Variants in ATXN7L1 observed in about 807,000 individuals in gnomAD.
The protein encoded by ATXN7L1 is ataxin 7 like 1.
A neutral mutation model predicts 70.8 loss-of-function variants in ATXN7L1; 15 were observed. The ratio of observed to expected loss-of-function variants is 0.21; its 90% CI spans 0.14 to 0.33. ATXN7L1 has a LOEUF of 0.33. Among genes scored for constraint, ATXN7L1 ranks in the 10% least tolerant of loss-of-function variants. The pLI is 1.00. For missense variants in ATXN7L1, 975 were observed against 1,097.1 expected, an observed-to-expected ratio of 0.89 and a Z score of 1.57; for synonymous variants, 440 against 445.1, an observed-to-expected ratio of 0.99 and a Z score of 0.14.
intron 3 of ATXN7L1, among the ~76,000 whole-genome samples, chr7:105,769,795 T>C (rs1015181849): frequency 1.7e-4 from 26 of 152,156 alleles, no homozygotes; most frequent in East Asian, 1.9e-4. Flanking sequence ...TCTTTTACCT[T>C]TTTGTCTCCT....
chr7:105,621,190 G>A (rs935331751), intron 8 of ATXN7L1, among the ~76,000 whole-genome samples: 1 of 152,122 alleles, frequency 6.6e-6, no homozygotes, highest in African/African-American at 2.4e-5. Context: ...TGAAGCTTTT[G>A]CTCCTGCTGT....
chr7:105,839,075 C>CA (rs1365055963), intron 2 of ATXN7L1, among the ~76,000 whole-genome samples: 8 of 152,238 alleles, frequency 5.3e-5, no homozygotes, highest in African/African-American at 1.9e-4. Context: ...CCATGCAAGG[C>CA]AACCAATCAA....
intron 4 of ATXN7L1, among the ~76,000 whole-genome samples, chr7:105,644,757 T>G (rs1052757753): frequency 6.6e-6 from 1 of 152,238 alleles, no homozygotes; most frequent in East Asian, 1.9e-4. Flanking sequence ...CTTCTAGGCT[T>G]ATTCCTTGAC....
At chr7:105,644,606 A>G (rs1235565857) in intron 4 of ATXN7L1, among the ~76,000 whole-genome samples, 1 of 152,232 alleles carries the variant, frequency 6.6e-6, no homozygotes, top group Non-Finnish European at 1.5e-5. Flanking sequence ...AAGCACTCCC[A>G]TATCACTGAA....
intron 2 of ATXN7L1, among the ~76,000 whole-genome samples, chr7:105,817,473 T>G (rs935977198): frequency 6.6e-6 from 1 of 152,254 alleles, no homozygotes; most frequent in South Asian, 2.1e-4. Flanking sequence ...ACTGAAGTAA[T>G]TGGTAAAATA....
intron 3 of ATXN7L1, among the ~76,000 whole-genome samples, chr7:105,771,372 T>G (rs1033622992): frequency 6.6e-6 from 1 of 152,094 alleles, no homozygotes; most frequent in Non-Finnish European, 1.5e-5. Context: ...CCCCTGATGT[T>G]CTCACTGAAA....
At chr7:105,837,135 G>C (rs1169240157) in intron 2 of ATXN7L1, among the ~76,000 whole-genome samples, 1 of 152,088 alleles carries the variant, frequency 6.6e-6, no homozygotes, top group Non-Finnish European at 1.5e-5. Context: ...AACTCAGAGC[G>C]TGAGTTCACT....
intron 4 of ATXN7L1, among the ~76,000 whole-genome samples, chr7:105,644,095 T>C (rs1328833752): frequency 1.3e-5 from 2 of 152,162 alleles, no homozygotes; most frequent in African/African-American, 4.8e-5. Flanking sequence ...TACTTAGCTA[T>C]TTGAATGCCA....
chr7:105,803,041 T>C (rs1246542892), intron 2 of ATXN7L1, among the ~76,000 whole-genome samples: 2 of 152,242 alleles, frequency 1.3e-5, no homozygotes, highest in African/African-American at 4.8e-5. Flanking sequence ...TATTCAGGAC[T>C]TGGAGTTGTC....
At position 105,875,776 on chromosome 7, in the gene ATXN7L1, A is replaced by C. The variant is rs562325574; in HGVS notation, c.250+36T>G. The C allele has an allele frequency of 8.3e-6, 13 of 1,572,380 alleles. No homozygotes were observed. The South Asian group carries it at 1.4e-4, about 17-fold the overall frequency. On this transcript the variant is annotated intron_variant, in intron 2 of 11. Transcript: ENST00000419735. ...CGAAATCCTGTGAAGATTCTGCCAC[A>C]CATGCTAACACTAAAATGCCAGTAG...
At chr7:105,869,917 T>C (rs1463180253) in intron 2 of ATXN7L1, among the ~76,000 whole-genome samples, 1 of 152,194 alleles carries the variant, frequency 6.6e-6, no homozygotes, top group Non-Finnish European at 1.5e-5. Flanking sequence ...ATAGGCCATA[T>C]ACAGCCTAAG....
intron 3 of ATXN7L1, among the ~76,000 whole-genome samples, chr7:105,781,829 G>A (rs952636890): frequency 3.9e-5 from 6 of 152,028 alleles, no homozygotes; most frequent in Admixed American, 3.3e-4. Context: ...GTGCAGAGCT[G>A]GAATTTTTTT....
chr7:105,665,652 G>C (rs138646798), intron 3 of ATXN7L1, among the ~76,000 whole-genome samples: 1 of 152,326 alleles, frequency 6.6e-6, no homozygotes, highest in African/African-American at 2.4e-5. Flanking sequence ...TTCCTAGACA[G>C]CTACACAGAG....
At chr7:105,630,806 G>A (rs955508055) in intron 7 of ATXN7L1, among the ~76,000 whole-genome samples, 2 of 152,154 alleles carry the variant, frequency 1.3e-5, no homozygotes, top group Non-Finnish European at 2.9e-5. Flanking sequence ...GGCTATGCAT[G>A]TGTGGGCAGG....
chr7:105,809,088 A>T (rs1808040853), intron 2 of ATXN7L1, among the ~76,000 whole-genome samples: 1 of 152,352 alleles, frequency 6.6e-6, no homozygotes, highest in Admixed American at 6.5e-5. Context: ...GACAGAACTA[A>T]TGCCTGACTT....
chr7:105,841,695 T>C (rs1813233984), intron 2 of ATXN7L1, among the ~76,000 whole-genome samples: 1 of 152,354 alleles, frequency 6.6e-6, no homozygotes, highest in South Asian at 2.1e-4. Context: ...AGAATAGTGA[T>C]GCTGGCATAT....
In ATXN7L1 at chr7:105,832,139, T is replaced by C. The variant is rs561294693; in HGVS notation, c.251-43431A>G. On this transcript the variant is annotated intron_variant, in intron 2 of 11. Coordinates refer to ENST00000419735, the MANE Select transcript of ATXN7L1 (RefSeq NM_020725.2). ...GCCCTCACTTTTCATGGTGGCAAGT[T>C]AGTAGATAATATAAAGCTTTTAAGA... Among the ~76,000 whole-genome samples, 4 of 152,180 alleles carry C rather than the reference T, an allele frequency of 2.6e-5. No homozygotes were observed. The South Asian group carries it at 8.3e-4, about 32-fold the overall frequency.
Position 105,642,935 on chromosome 7 carries a change from C to T in ATXN7L1, c.765G>A (p.Glu255=), listed in dbSNP as rs1015367159. 6 of 1,551,566 alleles carry T rather than the reference C, an allele frequency of 3.9e-6. No individual in the cohort carries two copies. In the African/African-American group the frequency reaches 8.2e-5, roughly 21 times the overall value. Residue 255 remains glutamate (E), a synonymous_variant, in exon 5 of 12, where the codon GAG becomes GAA. Transcript: ENST00000419735. ...GAATTCCTTTGCCATTTAAGATCTT[C>T]TCTGGTGAAGGTGGCACTGACTTGG... ...LMSKSVPPSP[E]KILNGKGILP...
At chr7:105,842,394 G>A (rs1408369585) in intron 2 of ATXN7L1, among the ~76,000 whole-genome samples, 1 of 152,082 alleles carries the variant, frequency 6.6e-6, no homozygotes, top group African/African-American at 2.4e-5. Context: ...TCAGCCTCTG[G>A]CAACCACTAA....
Sources: allele counts gnomAD v4.1 joint callset (sites outside exome capture counted in the v4.1 genomes callset), GRCh38; gene constraint gnomAD v4.1.1; transcripts MANE v1.5; gene names NCBI Gene and HGNC (gene_info 2026-07-23, HGNC 2026-07-21).